The following IL1RAPL1 variants were observed in gnomAD, a reference collection of about 807,000 sequenced individuals.
IL1RAPL1 encodes the protein interleukin 1 receptor accessory protein like 1.
In IL1RAPL1, 3 loss-of-function variants were observed where a neutral mutation model predicts 48.4. The ratio of observed to expected loss-of-function variants is 0.06; its 90% CI spans 0.03 to 0.16. IL1RAPL1 has a LOEUF of 0.16. Ranked by LOEUF, IL1RAPL1 falls within the 10% of genes least tolerant of loss-of-function variation. The probability of loss-of-function intolerance (pLI) is 1.00; values close to 1 mark genes in which losing one functional copy is unlikely to be tolerated. For missense variants in IL1RAPL1, 349 were observed against 530.6 expected (o/e 0.66, Z 3.36); for synonymous variants, 185 against 187.7 (o/e 0.99, Z 0.12).
At chrX:29,423,305 A>G (rs1420651654) in intron 5 of IL1RAPL1, among the ~76,000 whole-genome samples, 2 of 111,959 alleles carry the variant, frequency 1.8e-5, no homozygotes, top group African/African-American at 6.5e-5. Flanking sequence ...CCATTTATCG[A>G]TTTATGTCTT....
intron 2 of IL1RAPL1, among the ~76,000 whole-genome samples, chrX:29,153,703 T>C (rs1929511684): frequency 8.9e-6 from 1 of 112,490 alleles, no homozygotes; most frequent in Admixed American, 9.5e-5. Flanking sequence ...TCATAGCTGA[T>C]TAGAAAGTAA....
chrX:28,924,869 G>T (rs1020066512), intron 2 of IL1RAPL1, among the ~76,000 whole-genome samples: 1 of 111,954 alleles, frequency 8.9e-6, no homozygotes, highest in Non-Finnish European at 1.9e-5. Context: ...GAAGAAGCAA[G>T]GGCACATGAT....
chrX:28,765,508 A>G (rs1478703680), intron 1 of IL1RAPL1, among the ~76,000 whole-genome samples: 1 of 111,518 alleles, frequency 9.0e-6, no homozygotes, highest in Non-Finnish European at 1.9e-5. Context: ...ATTTGATACA[A>G]TTCTTTAAGT....
intron 3 of IL1RAPL1, among the ~76,000 whole-genome samples, chrX:29,380,774 G>GA (rs1933686926): frequency 8.9e-6 from 1 of 111,940 alleles, no homozygotes; most frequent in African/African-American, 3.2e-5. Context: ...TAACATGAGA[G>GA]AATTCAAGAG....
At chrX:28,641,128 A>G (rs1934534186) in intron 1 of IL1RAPL1, among the ~76,000 whole-genome samples, 1 of 108,676 alleles carries the variant, frequency 9.2e-6, no homozygotes, top group African/African-American at 3.4e-5. Flanking sequence ...GGTTTCTTAC[A>G]TAGGTATACA....
chrX:29,190,985 G>A lies in IL1RAPL1; in HGVS notation c.83-91953G>A, dbSNP rs187647403. Among the ~76,000 whole-genome samples the A allele has an allele frequency of 2.9e-3, 325 of 111,502 alleles. 3 individuals are homozygous for A. The highest frequency in any genetic ancestry group is 0.01 in the African/African-American group (315 of 30,724). On this transcript the variant is annotated intron_variant, in intron 2 of 10. Coordinates refer to ENST00000378993, the MANE Select transcript of IL1RAPL1 (RefSeq NM_014271.4). The stretch of plus-strand genomic sequence containing the variant: ...TTGACATGAAAAAATACTTATTTTG[G>A]AATTGGCTGTATTGATATTATATTC...
intron 5 of IL1RAPL1, among the ~76,000 whole-genome samples, chrX:29,662,328 A>G (rs1925869870): frequency 8.9e-6 from 1 of 111,826 alleles, no homozygotes; most frequent in Admixed American, 9.5e-5. Flanking sequence ...TATGTTCCAA[A>G]TGATCATCAG....
chrX:29,803,001 G>GCATAGATGTATATATGTGTA (rs1569173355), intron 6 of IL1RAPL1, among the ~76,000 whole-genome samples: 37 of 43,006 alleles, frequency 8.6e-4, no homozygotes, highest in African/African-American at 2.7e-3. Flanking sequence ...ATATATGTAT[G>GCATAGATGTATATATGTGTA]CATATATACA....
chrX:29,707,425 A>G (rs767356193), intron 6 of IL1RAPL1, among the ~76,000 whole-genome samples: 1 of 112,153 alleles, frequency 8.9e-6, no homozygotes, highest in East Asian at 2.8e-4. Context: ...CAGCATTCTC[A>G]CTACTAGGTA....
At chrX:29,889,204 T>C (rs1932225909) in intron 6 of IL1RAPL1, among the ~76,000 whole-genome samples, 1 of 112,020 alleles carries the variant, frequency 8.9e-6, no homozygotes, top group Non-Finnish European at 1.9e-5. Flanking sequence ...TTGAAACTCA[T>C]GTTTGAAATA....
chrX:29,586,955 ATGT>A (rs1193873541), intron 5 of IL1RAPL1, among the ~76,000 whole-genome samples: 14 of 102,008 alleles, frequency 1.4e-4, no homozygotes, highest in Non-Finnish European at 9.9e-5. Context: ...TTTATATAAA[ATGT>A]TGTCATTTGC....
chrX:29,277,023 T>C (rs1420194471), intron 2 of IL1RAPL1, among the ~76,000 whole-genome samples: 4 of 112,370 alleles, frequency 3.6e-5, no homozygotes, highest in Non-Finnish European at 7.5e-5. Flanking sequence ...TGATACATGC[T>C]AATGAAAGTA....
In IL1RAPL1 at chrX:29,029,171, A is replaced by C. The variant is rs191691548; in HGVS notation, c.82+239746A>C. On this transcript the variant is annotated intron_variant, in intron 2 of 10. Transcript: ENST00000378993. ...CTGCAAGAACAGCATGGGAGAAACC[A>C]CCCCCATGATCCAGTCACTTCCCAC... Among the ~76,000 whole-genome samples the C allele has an allele frequency of 1.1e-3, 118 of 110,488 alleles. 2 individuals are homozygous for C. The East Asian group carries it at 0.026, about 24-fold the overall frequency.
At chrX:28,923,740 G>C (rs957044163) in intron 2 of IL1RAPL1, among the ~76,000 whole-genome samples, 7 of 110,918 alleles carry the variant, frequency 6.3e-5, no homozygotes, top group Non-Finnish European at 1.1e-4. Flanking sequence ...CTGTGTGTTT[G>C]AAAATTTTTC....
chrX:29,414,589 T>G (rs1329675121), intron 5 of IL1RAPL1, among the ~76,000 whole-genome samples: 2 of 110,892 alleles, frequency 1.8e-5, no homozygotes, highest in African/African-American at 3.3e-5. Context: ...GGCATGGTGG[T>G]GCATGTCTGT....
At chrX:29,349,902 A>G (rs1251504331) in intron 3 of IL1RAPL1, among the ~76,000 whole-genome samples, 4 of 108,403 alleles carry the variant, frequency 3.7e-5, no homozygotes, top group African/African-American at 1.0e-4. Context: ...TTAATAGAAA[A>G]CTAAAAACAA....
chrX:28,615,530 T>C (rs900752587), intron 1 of IL1RAPL1, among the ~76,000 whole-genome samples: 1 of 110,454 alleles, frequency 9.1e-6, no homozygotes, highest in African/African-American at 3.3e-5. Context: ...ATAATAAACA[T>C]GCTTCCAAGT....
chrX:28,840,504 C>A (rs1288127276), intron 2 of IL1RAPL1, among the ~76,000 whole-genome samples: 1 of 110,637 alleles, frequency 9.0e-6, no homozygotes, highest in Non-Finnish European at 1.9e-5. Flanking sequence ...AATGGGGTAT[C>A]TATCACCTCA....
chrX:28,860,346 A>C (rs1004839498), intron 2 of IL1RAPL1, among the ~76,000 whole-genome samples: 2 of 111,658 alleles, frequency 1.8e-5, no homozygotes, highest in Non-Finnish European at 3.8e-5. Flanking sequence ...GAGGGTTAAG[A>C]GTAAAAACAC....
Sources: allele counts gnomAD v4.1 joint callset (sites outside exome capture counted in the v4.1 genomes callset), GRCh38; gene constraint gnomAD v4.1.1; transcripts MANE v1.5; gene names NCBI Gene and HGNC (gene_info 2026-07-23, HGNC 2026-07-21).